Variants in IKZF1 observed in about 807,000 individuals in gnomAD.
IKZF1 encodes the protein IKAROS family zinc finger 1, also known as DNA-binding protein Ikaros.
A neutral mutation model predicts 51.7 loss-of-function variants in IKZF1; 10 were observed. The observed-to-expected ratio is 0.19, with a 90% confidence interval of 0.12 to 0.33. The LOEUF is 0.33. Among genes scored for constraint, IKZF1 ranks in the 10% least tolerant of loss-of-function variants. IKZF1 has a pLI of 1.00. For missense variants in IKZF1, 484 were observed against 707.5 expected (o/e 0.68, Z 3.58); for synonymous variants, 280 against 282.3 (o/e 0.99, Z 0.08).
chr7:50,335,848 G>A (rs1234813806), intron 3 of IKZF1, among the ~76,000 whole-genome samples: 1 of 151,948 alleles, frequency 6.6e-6, no homozygotes, highest in Admixed American at 6.6e-5. Flanking sequence ...GGCCATGTGG[G>A]TAGGTAGGCC....
At chr7:50,387,589 A>G in intron 6 of IKZF1, 119 bp downstream of exon 6, 1 of 1,380,724 alleles carries the variant, frequency 7.2e-7, no homozygotes, top group South Asian at 1.7e-5. Context: ...TGCCGGGGCT[A>G]GGAGGGAGGG....
intron 7 of IKZF1, among the ~76,000 whole-genome samples, chr7:50,397,927 A>ATAT (rs1817140144): frequency 6.6e-6 from 1 of 152,224 alleles, no homozygotes; most frequent in African/African-American, 2.4e-5. Flanking sequence ...AATGGAAACC[A>ATAT]GGCTATTATA....
At chr7:50,323,417 C>G (rs1793967157) in intron 2 of IKZF1, among the ~76,000 whole-genome samples, 1 of 152,200 alleles carries the variant, frequency 6.6e-6, no homozygotes, top group Admixed American at 6.5e-5. Flanking sequence ...AATAAAACCT[C>G]ATGCATTTAG....
At chr7:50,393,293 T>C (rs953916512) in intron 7 of IKZF1, among the ~76,000 whole-genome samples, 1 of 152,170 alleles carries the variant, frequency 6.6e-6, no homozygotes, top group Non-Finnish European at 1.5e-5. Context: ...GATGGGGTTC[T>C]GTTTTTGACG....
At chr7:50,332,072 C>A (rs1057172411) in intron 3 of IKZF1, among the ~76,000 whole-genome samples, 2 of 152,164 alleles carry the variant, frequency 1.3e-5, no homozygotes, top group African/African-American at 4.8e-5. Context: ...TCAGTGACCT[C>A]TTCAGGCAAC....
At chr7:50,337,213 C>T (rs1399417223) in intron 3 of IKZF1, among the ~76,000 whole-genome samples, 8 of 151,964 alleles carry the variant, frequency 5.3e-5, no homozygotes, top group Non-Finnish European at 1.2e-4. Context: ...GGTCGGGGGT[C>T]ACAGGACTAG....
chr7:50,332,136 ATTGAGACTTGTTCTGAAAACTC>A (rs1796558244), intron 3 of IKZF1, among the ~76,000 whole-genome samples: 1 of 152,214 alleles, frequency 6.6e-6, no homozygotes, highest in Non-Finnish European at 1.5e-5. Context: ...AAAAAAATGA[ATTGAGACTTGTTCTGAAAACTC>A]TTGAGCAGGG....
At chr7:50,363,327 A>G (rs1474350206) in intron 3 of IKZF1, among the ~76,000 whole-genome samples, 1 of 152,168 alleles carries the variant, frequency 6.6e-6, no homozygotes, top group Non-Finnish European at 1.5e-5. Flanking sequence ...GGGGCCATCC[A>G]GGATCCGGAG....
At chr7:50,399,137 T>A (rs953381069) in intron 7 of IKZF1, among the ~76,000 whole-genome samples, 3 of 152,182 alleles carry the variant, frequency 2.0e-5, no homozygotes, top group African/African-American at 7.2e-5. Context: ...TCATTACTTT[T>A]AAAAAATAAC....
intron 2 of IKZF1, among the ~76,000 whole-genome samples, chr7:50,319,809 TCA>T (rs1297328020): frequency 1.3e-5 from 2 of 152,182 alleles, no homozygotes; most frequent in African/African-American, 4.8e-5. Flanking sequence ...CCTCACAGAC[TCA>T]CAGCCAGCCC....
intron 1 of IKZF1, among the ~76,000 whole-genome samples, chr7:50,309,943 C>G (rs1256764228): frequency 6.6e-6 from 1 of 152,180 alleles, no homozygotes; most frequent in Non-Finnish European, 1.5e-5. Flanking sequence ...CCAGCAACCC[C>G]CTAGTGTGAG....
chr7:50,398,630 CT>C lies in IKZF1; in HGVS notation c.851-1287del, dbSNP rs111316298. Among the ~76,000 whole-genome samples, 162 of 152,362 alleles carry C rather than the reference CT, an allele frequency of 1.1e-3. 1 individual carries two copies. Among genetic ancestry groups the C allele is most frequent in the African/African-American group, 3.8e-3 (156 of 41,582 alleles). ...CACATAAACTTCTACCTACCCTCCC[CT>C]AGTAGCTGTCTGCTGCTAAGGATGG... is the stretch of plus-strand genomic sequence containing the variant. On this transcript the variant is annotated intron_variant, in intron 7 of 7. Coordinates refer to ENST00000331340, the MANE Select transcript of IKZF1 (RefSeq NM_006060.6).
chr7:50,355,595 C>T (rs1803091186), intron 3 of IKZF1, among the ~76,000 whole-genome samples: 1 of 149,778 alleles, frequency 6.7e-6, no homozygotes, highest in Non-Finnish European at 1.5e-5. Context: ...TTAATTCACT[C>T]CAAAGTTTAA....
At chr7:50,306,129 G>A (rs923958187) in intron 1 of IKZF1, among the ~76,000 whole-genome samples, 4 of 152,202 alleles carry the variant, frequency 2.6e-5, no homozygotes, top group African/African-American at 9.6e-5. Flanking sequence ...AAATATTCAT[G>A]ACAAGAAGAT....
At chr7:50,362,272 C>T (rs1284636115) in intron 3 of IKZF1, among the ~76,000 whole-genome samples, 1 of 152,230 alleles carries the variant, frequency 6.6e-6, no homozygotes, top group African/African-American at 2.4e-5. Flanking sequence ...ATCCCTGAAA[C>T]ACCATGAGGG....
chr7:50,393,598 C>G (rs1309206603), intron 7 of IKZF1, among the ~76,000 whole-genome samples: 1 of 152,164 alleles, frequency 6.6e-6, no homozygotes, highest in Non-Finnish European at 1.5e-5. Context: ...AGAATGAAAG[C>G]CACTGGCTGA....
chr7:50,367,790 CTG>C (rs1288656138), intron 3 of IKZF1: 1 of 537,558 alleles, frequency 1.9e-6, no homozygotes, highest in Non-Finnish European at 3.3e-6. Flanking sequence ...GGATATAATG[CTG>C]TGAGTTGACA....
chr7:50,396,303 A>G (rs924049281), intron 7 of IKZF1, among the ~76,000 whole-genome samples: 7 of 152,016 alleles, frequency 4.6e-5, no homozygotes, highest in Non-Finnish European at 8.8e-5. Context: ...TTCCTCTGTC[A>G]GTAATTTAAT....
At position 50,382,572 on chromosome 7, in the gene IKZF1, G is replaced by A. The variant is rs1812150517; in HGVS notation, c.454G>A (p.Ala152Thr). The change falls in exon 5 of 8, where the codon GCC becomes ACC. Residue 152 changes from alanine (A) to threonine (T), a missense_variant. By Grantham distance (58) the Ala-to-Thr change is moderately conservative. Around this residue, in one of 6 missense-constraint regions of IKZF1, gnomAD observed 53 missense variants for 167.7 expected, o/e 0.32. Transcript: ENST00000331340. The stretch of plus-strand genomic sequence containing the variant: ...GCCCTTCCAGTGCAATCAGTGCGGG[G>A]CCTCATTCACCCAGAAGGGCAACCT... ...ERPFQCNQCG[A>T]SFTQKGNLLR... 1 of 1,613,878 alleles carries A rather than the reference G, an allele frequency of 6.2e-7. No individual in the cohort carries two copies. The highest frequency in any genetic ancestry group is 8.5e-7 in the Non-Finnish European group (1 of 1,179,872).
Sources: allele counts gnomAD v4.1 joint callset (sites outside exome capture counted in the v4.1 genomes callset), GRCh38; gene constraint gnomAD v4.1.1; regional missense constraint gnomAD v4.1.1; transcripts MANE v1.5; gene names NCBI Gene and HGNC (gene_info 2026-07-23, HGNC 2026-07-21).